Variants in CSNK1G1 observed in about 807,000 individuals in gnomAD.
CSNK1G1 encodes the protein casein kinase 1 gamma 1.
In CSNK1G1, 22 loss-of-function variants were observed where a neutral mutation model predicts 59.6. The observed-to-expected ratio is 0.37, with a 90% CI of 0.26 to 0.53. The LOEUF is 0.53. Among genes scored for constraint, CSNK1G1 ranks in the 20% least tolerant of loss-of-function variants. The pLI is 0.89. For synonymous variants in CSNK1G1, 179 were observed against 177.1 expected, an observed-to-expected ratio of 1.01 and a Z score of -0.08; for missense variants, 384 against 519.5, an observed-to-expected ratio of 0.74 and a Z score of 2.54.
chr15:64,262,723 C>A (rs1423349881), intron 2 of CSNK1G1, among the ~76,000 whole-genome samples: 1 of 152,104 alleles, frequency 6.6e-6, no homozygotes, highest in African/African-American at 2.4e-5. Flanking sequence ...TGGATAAAGT[C>A]TTTTTATTTA....
chr15:64,308,107 C>T (rs761163636), intron 1 of CSNK1G1, among the ~76,000 whole-genome samples: 3 of 152,056 alleles, frequency 2.0e-5, no homozygotes, highest in Non-Finnish European at 2.9e-5. Context: ...TTCCTTATAA[C>T]GTTGATCTCT....
At chr15:64,311,249 T>A (rs953987204) in intron 1 of CSNK1G1, among the ~76,000 whole-genome samples, 1 of 151,646 alleles carries the variant, frequency 6.6e-6, no homozygotes, top group Non-Finnish European at 1.5e-5. Flanking sequence ...TTTCACTGTG[T>A]TGGCCAGGTT....
intron 1 of CSNK1G1, among the ~76,000 whole-genome samples, chr15:64,323,956 T>C (rs1896703133): frequency 6.6e-6 from 1 of 152,234 alleles, no homozygotes; most frequent in Admixed American, 6.5e-5. Context: ...AGGTACACTT[T>C]AAATGATTTA....
intron 1 of CSNK1G1, among the ~76,000 whole-genome samples, chr15:64,301,290 G>A (rs377476227): frequency 6.6e-6 from 1 of 151,464 alleles, no homozygotes; most frequent in Non-Finnish European, 1.5e-5. Context: ...ACTTTTGGTG[G>A]TTTTTGCTGT....
chr15:64,306,983 A>AG (rs1895712540), intron 1 of CSNK1G1, among the ~76,000 whole-genome samples: 2 of 85,942 alleles, frequency 2.3e-5, no homozygotes, highest in Admixed American at 1.5e-4. Context: ...GTGGGTGGGG[A>AG]GGGGGGCGGG....
intron 1 of CSNK1G1, among the ~76,000 whole-genome samples, chr15:64,305,772 C>A (rs1429178928): frequency 2.0e-4 from 27 of 134,236 alleles, no homozygotes; most frequent in South Asian, 4.7e-4. Context: ...TGTGATATTG[C>A]AAAAAAAAAA....
At chr15:64,187,822 A>G (rs2081918311) in intron 10 of CSNK1G1, among the ~76,000 whole-genome samples, 2 of 152,240 alleles carry the variant, frequency 1.3e-5, no homozygotes, top group African/African-American at 4.8e-5. Context: ...AAACAGAAAA[A>G]AGAGATTCAG....
chr15:64,194,041 C>T (rs1021604565), intron 10 of CSNK1G1: 1 of 152,356 alleles, frequency 6.6e-6, no homozygotes, highest in Non-Finnish European at 1.5e-5. Context: ...AATCTATTTT[C>T]AGTTTTGCAC....
chr15:64,345,381 G>A lies in CSNK1G1; in HGVS notation c.-225+10607C>T, dbSNP rs79918803. On this transcript the variant is annotated intron_variant, in intron 1 of 11. Coordinates refer to ENST00000303052, the MANE Select transcript of CSNK1G1 (RefSeq NM_022048.5). ...AGCTTCTAGATAGTCTTCAACAAGTGTAATAAGCAGCAGCAAACACTAGAG... is the reference window on the plus strand; with the variant it reads ...AGCTTCTAGATAGTCTTCAACAAGTATAATAAGCAGCAGCAAACACTAGAG... Among the ~76,000 whole-genome samples, 1,279 of 152,300 alleles carry A rather than the reference G, an allele frequency of 8.4e-3. 18 individuals are homozygous for A. The highest frequency in any genetic ancestry group is 0.029 in the African/African-American group (1,200 of 41,556).
At chr15:64,230,601 T>TGAAA (rs1177187123) in intron 4 of CSNK1G1, among the ~76,000 whole-genome samples, 1 of 152,186 alleles carries the variant, frequency 6.6e-6, no homozygotes, top group Non-Finnish European at 1.5e-5. Context: ...CTATTCTGAC[T>TGAAA]CTAGGCTTGG....
intron 2 of CSNK1G1, among the ~76,000 whole-genome samples, chr15:64,278,377 C>CGTGTGTGTGTGTGTGTGTGT (rs56064136): frequency 9.0e-6 from 1 of 111,488 alleles, no homozygotes; most frequent in Non-Finnish European, 1.8e-5. Flanking sequence ...CATGTATGTG[C>CGTGTGTGTGTGTGTGTGTGT]GTGTGTGTGT....
At chr15:64,304,490 A>C (rs543804423) in intron 1 of CSNK1G1, among the ~76,000 whole-genome samples, 75 of 152,090 alleles carry the variant, frequency 4.9e-4, no homozygotes, top group African/African-American at 1.7e-3. Flanking sequence ...TAAGTTTTTT[A>C]AAATCCTGTT....
intron 4 of CSNK1G1, among the ~76,000 whole-genome samples, chr15:64,221,587 G>A: frequency 6.6e-6 from 1 of 151,468 alleles, no homozygotes; most frequent in South Asian, 2.1e-4. Context: ...GAGGGTCAAG[G>A]TCCGAGATAC....
chr15:64,230,597 T>C (rs2082533812), intron 4 of CSNK1G1, among the ~76,000 whole-genome samples: 1 of 152,210 alleles, frequency 6.6e-6, no homozygotes, highest in South Asian at 2.1e-4. Context: ...GTCCCTATTC[T>C]GACTCTAGGC....
intron 1 of CSNK1G1, among the ~76,000 whole-genome samples, chr15:64,303,241 TAA>T (rs1186963998): frequency 1.2e-5 from 1 of 83,872 alleles, no homozygotes; most frequent in Non-Finnish European, 2.4e-5. Flanking sequence ...ACCCTGTCTC[TAA>T]AAAAAAAAAC....
intron 10 of CSNK1G1, among the ~76,000 whole-genome samples, chr15:64,187,043 A>T (rs2081905883): frequency 6.6e-6 from 1 of 151,794 alleles, no homozygotes. Flanking sequence ...GGATGGTCTC[A>T]ATCACTTGAC....
At chr15:64,343,118 A>C (rs1160822286) in intron 1 of CSNK1G1, among the ~76,000 whole-genome samples, 2 of 151,920 alleles carry the variant, frequency 1.3e-5, no homozygotes, top group African/African-American at 4.8e-5. Context: ...AGGCCAAGGC[A>C]GGAGAATCGC....
Position 64,222,436 on chromosome 15 carries a change from CCAA to C in CSNK1G1, c.293-5726_293-5724del, listed in dbSNP as rs2082401627. 1.2e-3 allele frequency among the ~76,000 whole-genome samples: 138 copies of C among 114,668 alleles called. 2 individuals carry two copies. Among genetic ancestry groups the C allele is most frequent in the African/African-American group, 3.4e-3 (94 of 27,970 alleles). 75.2% of individuals were successfully genotyped at this position (114,668 alleles called of 152,430 possible). The stretch of plus-strand genomic sequence containing the variant: ...TAAAGAAATAACAACAACAACACCA[CCAA>C]AAAAAAAAAAAAAAAAAAAAGAGGA... On this transcript the variant is annotated intron_variant, in intron 4 of 11. Transcript: ENST00000303052.
chr15:64,277,761 CAATATTGATATATTTAATAATATATT>C (rs1893783121), intron 2 of CSNK1G1, among the ~76,000 whole-genome samples: 2 of 65,964 alleles, frequency 3.0e-5, no homozygotes, highest in Non-Finnish European at 6.0e-5. Flanking sequence ...AATAATATAG[CAATATTGATATATTTAATAATATATT>C]AATATTGATA....
Sources: allele counts gnomAD v4.1 joint callset (sites outside exome capture counted in the v4.1 genomes callset), GRCh38; gene constraint gnomAD v4.1.1; transcripts MANE v1.5; gene names NCBI Gene and HGNC (gene_info 2026-07-23, HGNC 2026-07-21).